AGTPBP1: variants seen among roughly 807,000 people sequenced by gnomAD.
AGTPBP1 encodes the protein cytosolic carboxypeptidase 1.
A neutral mutation model predicts 143.9 loss-of-function variants in AGTPBP1; 70 were observed. The ratio of observed to expected loss-of-function variants is 0.49; its 90% CI spans 0.40 to 0.59. The LOEUF is 0.59. AGTPBP1 is among the 20% of genes least tolerant of loss of function. The pLI, the probability that AGTPBP1 is intolerant of heterozygous loss-of-function variation, is 0.00. For missense variants in AGTPBP1, 1,229 were observed against 1,464.5 expected, an observed-to-expected ratio of 0.84 and a Z score of 2.62; for synonymous variants, 463 against 500.2, an observed-to-expected ratio of 0.93 and a Z score of 0.99.
intron 17 of AGTPBP1, among the ~76,000 whole-genome samples, chr9:85,613,156 T>C (rs75773062): frequency 0.017 from 2,512 of 151,974 alleles, 28 homozygotes; most frequent in Middle Eastern, 0.055. Context: ...ACAAGTAATA[T>C]AAAAAATAAC....
At chr9:85,668,201 G>C (rs906210907) in intron 8 of AGTPBP1, among the ~76,000 whole-genome samples, 2 of 152,076 alleles carry the variant, frequency 1.3e-5, no homozygotes, top group South Asian at 2.1e-4. Flanking sequence ...CTCTACATTT[G>C]TGTAGGCTTG....
At position 85,575,384 on chromosome 9, in the gene AGTPBP1, T is replaced by C. The variant is rs1454647114; in HGVS notation, c.3434A>G (p.Glu1145Gly). The stretch of plus-strand genomic sequence containing the variant: ...AAGCAGGCTGGAAGGCAGATTATAC[T>C]CCAATGGAGAGGTCAGTCTTTTCAA... ...LRLKRLTSPL[E>G]YNLPSSLLDF... The change falls in exon 25 of 26, where the codon GAG becomes GGG. Residue 1145 changes from glutamate to glycine, a missense_variant. Around this residue, in one of 2 missense-constraint regions of AGTPBP1, gnomAD observed 486 missense variants for 652.3 expected, o/e 0.75. Transcript: ENST00000357081. 6.2e-7 allele frequency: 1 copy of C among 1,609,764 alleles called. No homozygotes were observed. Among genetic ancestry groups the C allele is most frequent in the Non-Finnish European group, 8.5e-7 (1 of 1,178,858 alleles).
chr9:85,782,236 T>TA, the AGTPBP1 span, among the ~76,000 whole-genome samples: 2 of 152,180 alleles, frequency 1.3e-5, no homozygotes, highest in Admixed American at 1.3e-4. Context: ...TAGAATTGGC[T>TA]AGGTGCGGTG....
intron 15 of AGTPBP1, among the ~76,000 whole-genome samples, chr9:85,620,935 C>G (rs1415803632): frequency 6.6e-6 from 1 of 152,120 alleles, no homozygotes; most frequent in Admixed American, 6.5e-5. Context: ...ATTGTGTAAC[C>G]TTTACCTCAA....
intron 13 of AGTPBP1, among the ~76,000 whole-genome samples, chr9:85,636,923 A>C (rs1028151621): frequency 3.3e-5 from 5 of 152,198 alleles, no homozygotes; most frequent in African/African-American, 9.6e-5. Context: ...GTATATGTTA[A>C]AAGCCACCAA....
upstream of AGTPBP1, among the ~76,000 whole-genome samples, chr9:85,745,691 C>T (rs927260851): frequency 9.9e-5 from 15 of 152,088 alleles, no homozygotes; most frequent in East Asian, 1.2e-3. Flanking sequence ...ATATATAATT[C>T]GGGGTCAGAA....
chr9:85,604,589 A>G (rs1317181463), intron 17 of AGTPBP1, among the ~76,000 whole-genome samples: 2 of 152,170 alleles, frequency 1.3e-5, no homozygotes, highest in African/African-American at 4.8e-5. Flanking sequence ...GAACATCCAC[A>G]AGCATCAAGA....
At chr9:85,795,437 T>C in the AGTPBP1 span, among the ~76,000 whole-genome samples, 1 of 152,178 alleles carries the variant, frequency 6.6e-6, no homozygotes, top group Non-Finnish European at 1.5e-5. Flanking sequence ...CACAGATCCA[T>C]CCACCAAAGA....
At chr9:85,558,031 A>G (rs12238210) in intron 25 of AGTPBP1, among the ~76,000 whole-genome samples, 8,098 of 152,290 alleles carry the variant, frequency 0.053, 817 homozygotes, top group East Asian at 0.48. Flanking sequence ...GGTTTTTTAA[A>G]AATGTTAAAA....
intron 15 of AGTPBP1, among the ~76,000 whole-genome samples, chr9:85,619,872 G>A (rs765034987): frequency 6.6e-6 from 1 of 152,136 alleles, no homozygotes; most frequent in Non-Finnish European, 1.5e-5. Flanking sequence ...GCTAATAAGA[G>A]AAGACTAGGA....
In AGTPBP1 at chr9:85,577,109, G is replaced by A. The variant is rs552741554; in HGVS notation, c.3343-1634C>T. On this transcript the variant is annotated intron_variant, in intron 24 of 25. Coordinates refer to ENST00000357081, the MANE Select transcript of AGTPBP1 (RefSeq NM_001330701.2). ...GACCAAATTTATCAAAATAGAAATC[G>A]AAAAAAATTTTTAAATTCAATGAAA... Among the ~76,000 whole-genome samples, 28 of 151,848 alleles carry A rather than the reference G, an allele frequency of 1.8e-4. No individual in the cohort carries two copies. The South Asian group carries it at 4.2e-3, about 23-fold the overall frequency.
At chr9:85,598,892 T>C (rs1465452420) in intron 17 of AGTPBP1, among the ~76,000 whole-genome samples, 3 of 152,010 alleles carry the variant, frequency 2.0e-5, no homozygotes, top group African/African-American at 4.8e-5. Context: ...AGCTAATTTT[T>C]GTATTTTTTG....
intron 2 of AGTPBP1, among the ~76,000 whole-genome samples, chr9:85,711,439 T>C (rs1837359036): frequency 6.6e-6 from 1 of 151,380 alleles, no homozygotes; most frequent in Non-Finnish European, 1.5e-5. Context: ...TCTTTTTTCT[T>C]TCTTTTTTTT....
chr9:85,752,738 G>C, the AGTPBP1 span, among the ~76,000 whole-genome samples: 1 of 152,166 alleles, frequency 6.6e-6, no homozygotes, highest in East Asian at 1.9e-4. Context: ...TGAGCATGGT[G>C]ACTTATGCCT....
At chr9:85,705,154 T>G (rs997463931) in intron 2 of AGTPBP1, among the ~76,000 whole-genome samples, 4 of 151,306 alleles carry the variant, frequency 2.6e-5, no homozygotes, top group African/African-American at 9.7e-5. Context: ...ATGACCAAAA[T>G]TTTTCCAATT....
At chr9:85,736,490 G>T (rs1011407076) in intron 1 of AGTPBP1, among the ~76,000 whole-genome samples, 1 of 152,064 alleles carries the variant, frequency 6.6e-6, no homozygotes, top group African/African-American at 2.4e-5. Flanking sequence ...ATCCTATAGT[G>T]CTAGAGAACA....
intron 2 of AGTPBP1, among the ~76,000 whole-genome samples, chr9:85,702,478 T>C (rs1351758536): frequency 6.6e-6 from 1 of 152,190 alleles, no homozygotes; most frequent in Non-Finnish European, 1.5e-5. Context: ...CAGTTCACAT[T>C]TCATCTCTTC....
intron 14 of AGTPBP1, among the ~76,000 whole-genome samples, chr9:85,624,770 A>G (rs1427182839): frequency 2.0e-5 from 3 of 152,232 alleles, no homozygotes; most frequent in Non-Finnish European, 2.9e-5. Context: ...CTCACTTATT[A>G]ACACAACCTG....
intron 3 of AGTPBP1, among the ~76,000 whole-genome samples, chr9:85,690,321 C>T (rs962477009): frequency 1.3e-5 from 2 of 152,206 alleles, no homozygotes; most frequent in African/African-American, 4.8e-5. Flanking sequence ...TCACTACCAA[C>T]TTATACTGTG....
Sources: gnomAD v4.1 joint callset for allele counts (sites outside exome capture counted in the v4.1 genomes callset) on GRCh38, gnomAD v4.1.1 for gene constraint, gnomAD v4.1.1 regional missense constraint, MANE v1.5 for transcripts, NCBI Gene and HGNC (gene_info 2026-07-23, HGNC 2026-07-21) for gene names.